Variants in SLC16A10 observed in about 807,000 individuals in gnomAD.
SLC16A10 encodes the protein solute carrier family 16 member 10, also known as monocarboxylate transporter 10.
SLC16A10 carries 27 observed loss-of-function variants against 40.0 expected under a neutral mutation model. The ratio of observed to expected loss-of-function variants is 0.67; its 90% CI spans 0.50 to 0.93. The LOEUF (loss-of-function observed/expected upper bound fraction) is 0.93, where lower values mean the gene tolerates loss of function less well. Ranked by LOEUF, SLC16A10 falls within the 40% of genes least tolerant of loss-of-function variation. The probability of loss-of-function intolerance (pLI) is 0.00; values close to 1 mark genes in which losing one functional copy is unlikely to be tolerated. For synonymous variants in SLC16A10, 213 were observed against 249.8 expected, an observed-to-expected ratio of 0.85 and a Z score of 1.39; for missense variants, 529 against 658.2, an observed-to-expected ratio of 0.80 and a Z score of 2.15.
In SLC16A10 at chr6:111,206,611, G is replaced by T; in HGVS notation, c.962G>T (p.Arg321Ile). The part of the protein sequence containing the change: ...YVHLMKHVNE[R>I]FQDEKNKEVV... ...CTATAGATGAAACATGTAAATGAAA[G>T]ATTTCAAGATGAAAAAAATAAAGAG... is the stretch of plus-strand genomic sequence containing the variant. Residue 321 changes from arginine to isoleucine, a missense_variant, in exon 4 of 6, where the codon AGA becomes ATA. Transcript: ENST00000368851. 1 of 1,614,038 alleles carries T rather than the reference G, an allele frequency of 6.2e-7. No homozygotes were observed. Among genetic ancestry groups the T allele is most frequent in the South Asian group, 1.1e-5 (1 of 91,086 alleles).
intron 3 of SLC16A10, among the ~76,000 whole-genome samples, chr6:111,202,444 C>T (rs1324111738): frequency 1.3e-5 from 2 of 152,042 alleles, no homozygotes; most frequent in Non-Finnish European, 2.9e-5. Context: ...CGCCAGTGCA[C>T]TCAAGCCTGG....
chr6:111,222,323 T>A lies in SLC16A10; in HGVS notation c.*88T>A, dbSNP rs574413193. On this transcript the variant is annotated 3_prime_UTR_variant, in exon 6 of 6. Coordinates refer to ENST00000368851, the MANE Select transcript of SLC16A10 (RefSeq NM_018593.5). ...TTTATACAAATTGCAAATTTCATATTTTTTTAATCACATCCTAGGAATAGC... is the reference window on the plus strand; with the variant it reads ...TTTATACAAATTGCAAATTTCATATATTTTTAATCACATCCTAGGAATAGC... The A allele has an allele frequency of 6.8e-7, 1 of 1,469,498 alleles. No individual in the cohort carries two copies. The highest frequency in any genetic ancestry group is 9.0e-7 in the Non-Finnish European group (1 of 1,116,274). 91.0% of individuals were successfully genotyped at this position (1,469,498 alleles called of 1,614,324 possible). A position where few individuals can be genotyped will look rare whatever the true frequency, so the allele number is the denominator to read the frequency against.
intron 3 of SLC16A10, among the ~76,000 whole-genome samples, chr6:111,204,741 G>A (rs574866316): frequency 2.0e-5 from 3 of 152,238 alleles, no homozygotes; most frequent in Non-Finnish European, 2.9e-5. Context: ...TTTAAATTAG[G>A]TGCCAACATT....
intron 1 of SLC16A10, among the ~76,000 whole-genome samples, chr6:111,128,730 T>G (rs973471898): frequency 6.6e-6 from 1 of 152,102 alleles, no homozygotes; most frequent in African/African-American, 2.4e-5. Context: ...AGTGACAGAT[T>G]ATGATGATTA....
intron 1 of SLC16A10, among the ~76,000 whole-genome samples, chr6:111,150,917 A>G (rs1311895321): frequency 1.3e-5 from 2 of 152,206 alleles, no homozygotes; most frequent in Non-Finnish European, 2.9e-5. Flanking sequence ...CAACATAACT[A>G]CTTACTCACT....
At chr6:111,089,448 C>T (rs1329167696) in intron 1 of SLC16A10, among the ~76,000 whole-genome samples, 1 of 152,164 alleles carries the variant, frequency 6.6e-6, no homozygotes, top group Non-Finnish European at 1.5e-5. Flanking sequence ...TGCTTCCAAA[C>T]TCATTCTAAA....
intron 1 of SLC16A10, among the ~76,000 whole-genome samples, chr6:111,110,918 C>T (rs1454594383): frequency 6.6e-6 from 1 of 152,054 alleles, no homozygotes; most frequent in Non-Finnish European, 1.5e-5. Context: ...GCTGATTAAA[C>T]ATTTAACAAC....
intron 1 of SLC16A10, among the ~76,000 whole-genome samples, chr6:111,163,321 T>A (rs1772409911): frequency 6.6e-6 from 1 of 150,890 alleles, no homozygotes; most frequent in Non-Finnish European, 1.5e-5. Context: ...CCCGGCTAAT[T>A]TTTTGTATTT....
intron 3 of SLC16A10, among the ~76,000 whole-genome samples, chr6:111,187,320 C>T (rs1050588910): frequency 3.3e-5 from 5 of 152,108 alleles, no homozygotes; most frequent in African/African-American, 7.2e-5. Flanking sequence ...ACAACTTGCT[C>T]AGGGTTGCAA....
chr6:111,088,111 C>T lies in SLC16A10; in HGVS notation c.343+16C>T. 1 of 1,588,982 alleles carries T rather than the reference C, an allele frequency of 6.3e-7. No individual in the cohort carries two copies. Among genetic ancestry groups the T allele is most frequent in the Non-Finnish European group, 8.6e-7 (1 of 1,169,526 alleles). The stretch of plus-strand genomic sequence containing the variant: ...TTTAAGACAGGTGAGGCGCGGCGCC[C>T]GCCGAGGCCAGCCTGGGCGACCCGC... On this transcript the variant is annotated intron_variant, in intron 1 of 5. Coordinates refer to ENST00000368851, the MANE Select transcript of SLC16A10 (RefSeq NM_018593.5).
At chr6:111,128,310 GCA>G (rs1583317246) in intron 1 of SLC16A10, among the ~76,000 whole-genome samples, 1 of 152,098 alleles carries the variant, frequency 6.6e-6, no homozygotes, top group East Asian at 1.9e-4. Flanking sequence ...GGAAAATGAG[GCA>G]CAGAGTGGTT....
chr6:111,101,466 T>C (rs1308880130), intron 1 of SLC16A10, among the ~76,000 whole-genome samples: 2 of 152,146 alleles, frequency 1.3e-5, no homozygotes, highest in African/African-American at 4.8e-5. Context: ...ATCAAATACA[T>C]TAACATTTCT....
intron 3 of SLC16A10, among the ~76,000 whole-genome samples, chr6:111,186,930 G>A (rs957236483): frequency 6.6e-6 from 1 of 152,094 alleles, no homozygotes; most frequent in African/African-American, 2.4e-5. Context: ...GTGTATAATT[G>A]CAAACATGGA....
At chr6:111,096,033 G>A (rs969417357) in intron 1 of SLC16A10, among the ~76,000 whole-genome samples, 4 of 152,158 alleles carry the variant, frequency 2.6e-5, no homozygotes, top group Non-Finnish European at 5.9e-5. Context: ...AACTTGCACA[G>A]TATTAGGATT....
intron 1 of SLC16A10, among the ~76,000 whole-genome samples, chr6:111,122,284 A>G (rs559077039): frequency 1.1e-4 from 17 of 152,202 alleles, no homozygotes; most frequent in Non-Finnish European, 2.1e-4. Context: ...AGTCTAGTCC[A>G]CTTCTCAGCA....
chr6:111,126,657 A>G (rs1036253872), intron 1 of SLC16A10, among the ~76,000 whole-genome samples: 6 of 152,142 alleles, frequency 3.9e-5, no homozygotes, highest in African/African-American at 9.7e-5. Context: ...TTGTTTTTAT[A>G]TATTTTTCCT....
Position 111,222,225 on chromosome 6 carries a change from CTAT to C in SLC16A10, c.1543_1545del (p.Ile515del). 1 of 1,600,910 alleles carries C rather than the reference CTAT, an allele frequency of 6.2e-7. No individual in the cohort carries two copies. Among genetic ancestry groups the C allele is most frequent in the Non-Finnish European group, 8.5e-7 (1 of 1,176,616 alleles). ...GGAATGTTCAAGAAAGAATCTGACT[CTAT>C]TATTTAATATCTTACATACCTCCAC... On this transcript the variant is annotated inframe_deletion, in exon 6 of 6. Coordinates refer to ENST00000368851, the MANE Select transcript of SLC16A10 (RefSeq NM_018593.5).
intron 3 of SLC16A10, among the ~76,000 whole-genome samples, chr6:111,186,551 C>A (rs971191313): frequency 6.6e-6 from 1 of 152,144 alleles, no homozygotes; most frequent in African/African-American, 2.4e-5. Flanking sequence ...GTTGTCTGAT[C>A]CATTGAGAGT....
At chr6:111,126,131 G>A (rs1181958919) in intron 1 of SLC16A10, among the ~76,000 whole-genome samples, 6 of 152,226 alleles carry the variant, frequency 3.9e-5, no homozygotes, top group Admixed American at 3.9e-4. Context: ...ATTTATAGTT[G>A]AAACCTCTGA....
Sources: gnomAD v4.1 joint callset for allele counts (sites outside exome capture counted in the v4.1 genomes callset) on GRCh38, gnomAD v4.1.1 for gene constraint, MANE v1.5 for transcripts, NCBI Gene and HGNC (gene_info 2026-07-23, HGNC 2026-07-21) for gene names.